The following SNX29 variants were observed in gnomAD, a reference collection of about 807,000 sequenced individuals.
The protein encoded by SNX29 is sorting nexin 29, also known as sorting nexin-29.
SNX29 carries 78 observed loss-of-function variants against 102.1 expected under a neutral mutation model. The ratio of observed to expected loss-of-function variants is 0.76; its 90% CI spans 0.64 to 0.92. SNX29 has a LOEUF of 0.92. SNX29 is among the 40% of genes least tolerant of loss of function. The pLI, the probability that SNX29 is intolerant of heterozygous loss-of-function variation, is 0.00. For synonymous variants in SNX29, 580 were observed against 414.5 expected, an observed-to-expected ratio of 1.40 and a Z score of -4.85; for missense variants, 1,280 against 1,061.7, an observed-to-expected ratio of 1.21 and a Z score of -2.86.
rs192313889 is a variant in SNX29, at chr16:12,561,198, T to G, written c.2319-7308T>G. ...GCCTGGCATGCTCTGATACTGCCCA[T>G]CAGGACCCCCGCAGCCATGCAGTAC... is the stretch of plus-strand genomic sequence containing the variant. On this transcript the variant is annotated intron_variant, in intron 20 of 20. Transcript: ENST00000566228. 4.6e-4 allele frequency: 105 copies of G among 230,540 alleles called. 1 individual carries two copies. In the East Asian group the frequency reaches 5.4e-3, roughly 12 times the overall value. The allele number at this position is 230,540 out of a possible 1,614,324, so 14.3% of individuals were successfully genotyped here. A position where few individuals can be genotyped will look rare whatever the true frequency, so the allele number is the denominator to read the frequency against.
chr16:12,145,460 C>T (rs960825185), intron 13 of SNX29, among the ~76,000 whole-genome samples: 1 of 151,972 alleles, frequency 6.6e-6, no homozygotes, highest in Non-Finnish European at 1.5e-5. Context: ...GTAATGTGTA[C>T]GTTCGAATCC....
At chr16:12,457,634 C>T (rs1443297474) in intron 18 of SNX29, among the ~76,000 whole-genome samples, 1 of 152,214 alleles carries the variant, frequency 6.6e-6, no homozygotes, top group Non-Finnish European at 1.5e-5. Flanking sequence ...GCCCTGTTCA[C>T]ACCTCATTTA....
At chr16:12,157,413 G>A (rs1419878377) in intron 13 of SNX29, among the ~76,000 whole-genome samples, 4 of 152,168 alleles carry the variant, frequency 2.6e-5, no homozygotes, top group African/African-American at 4.8e-5. Context: ...GGCAGGGGAC[G>A]TGGGGTCATG....
At chr16:12,479,031 T>C (rs1184495730) in intron 19 of SNX29, among the ~76,000 whole-genome samples, 3 of 152,192 alleles carry the variant, frequency 2.0e-5, no homozygotes, top group Non-Finnish European at 4.4e-5. Flanking sequence ...GAGCATGATC[T>C]CTCTGCCATG....
chr16:12,366,746 C>G (rs1162396581), intron 16 of SNX29, among the ~76,000 whole-genome samples: 1 of 152,188 alleles, frequency 6.6e-6, no homozygotes, highest in Non-Finnish European at 1.5e-5. Flanking sequence ...TCTTTGGTCT[C>G]TGTGTGCTTC....
At chr16:12,552,912 C>G (rs554859594) in intron 20 of SNX29, among the ~76,000 whole-genome samples, 7 of 152,310 alleles carry the variant, frequency 4.6e-5, no homozygotes, top group African/African-American at 9.6e-5. Context: ...GCAAGGGCAG[C>G]AGAGCTGATT....
chr16:12,243,150 T>G (rs2142312904), intron 14 of SNX29, among the ~76,000 whole-genome samples: 1 of 152,386 alleles, frequency 6.6e-6, no homozygotes, highest in South Asian at 2.1e-4. Context: ...TCTGTATCTT[T>G]CAGTGCAGGC....
intron 18 of SNX29, among the ~76,000 whole-genome samples, chr16:12,460,814 C>G (rs1054029023): frequency 1.3e-5 from 2 of 152,080 alleles, no homozygotes; most frequent in African/African-American, 4.8e-5. Flanking sequence ...GTGCATGCCA[C>G]CATGCCCGGC....
chr16:12,105,551 G>GA lies in SNX29; in HGVS notation c.1403-21072dup, dbSNP rs566737109. ...ATCTAATTTCTAAAGTGCATTTTGG[G>GA]AAAAAAAAAATCCACCCACAAATCT... On this transcript the variant is annotated intron_variant, in intron 11 of 20. Coordinates refer to ENST00000566228, the MANE Select transcript of SNX29 (RefSeq NM_032167.5). Among the ~76,000 whole-genome samples the GA allele has an allele frequency of 3.0e-3, 450 of 149,612 alleles. 15 individuals carry two copies. The highest frequency in any genetic ancestry group is 0.029 in the Admixed American group (434 of 14,990).
At chr16:12,080,699 T>TA (rs2151350239) in intron 11 of SNX29, among the ~76,000 whole-genome samples, 1 of 151,512 alleles carries the variant, frequency 6.6e-6, no homozygotes, top group East Asian at 1.9e-4. Flanking sequence ...TTACTTTTTT[T>TA]TTTTTTTTTG....
At chr16:12,440,025 A>G (rs2085729452) in intron 18 of SNX29, among the ~76,000 whole-genome samples, 1 of 152,210 alleles carries the variant, frequency 6.6e-6, no homozygotes, top group Non-Finnish European at 1.5e-5. Flanking sequence ...GCCTTGGGCC[A>G]GCCTCGCCTC....
intron 16 of SNX29, among the ~76,000 whole-genome samples, chr16:12,378,127 T>C (rs1008558116): frequency 1.2e-4 from 18 of 152,218 alleles, no homozygotes; most frequent in Admixed American, 1.0e-3. Flanking sequence ...TGTTTTGTGT[T>C]GCTGCAAAGG....
intron 13 of SNX29, among the ~76,000 whole-genome samples, chr16:12,140,080 G>T (rs1597023918): frequency 6.6e-6 from 1 of 151,426 alleles, no homozygotes; most frequent in Non-Finnish European, 1.5e-5. Context: ...AAAAAGAGCA[G>T]TTGATTCGCT....
chr16:12,331,072 G>A (rs1310115532), intron 15 of SNX29, among the ~76,000 whole-genome samples: 1 of 152,228 alleles, frequency 6.6e-6, no homozygotes, highest in Non-Finnish European at 1.5e-5. Context: ...GTCTGTGTTT[G>A]GAAGGGGGCT....
At chr16:12,202,359 A>G (rs1413688700) in intron 14 of SNX29, among the ~76,000 whole-genome samples, 1 of 152,064 alleles carries the variant, frequency 6.6e-6, no homozygotes, top group African/African-American at 2.4e-5. Context: ...TCTTCCCCGA[A>G]TGTGGTCCAG....
chr16:12,271,565 G>A (rs1235414040), intron 14 of SNX29, among the ~76,000 whole-genome samples: 1 of 151,992 alleles, frequency 6.6e-6, no homozygotes, highest in Non-Finnish European at 1.5e-5. Context: ...ATAAGAATGT[G>A]AATACCAAGG....
chr16:12,125,820 C>T (rs2054191786), intron 11 of SNX29, among the ~76,000 whole-genome samples: 1 of 151,846 alleles, frequency 6.6e-6, no homozygotes, highest in South Asian at 2.1e-4. Flanking sequence ...CTCAAACTTC[C>T]TGGGAAACAG....
At chr16:12,520,569 T>A (rs1203344490) in intron 19 of SNX29, among the ~76,000 whole-genome samples, 1 of 152,108 alleles carries the variant, frequency 6.6e-6, no homozygotes, top group African/African-American at 2.4e-5. Flanking sequence ...CAGACATCAA[T>A]GGATAAAGAA....
chr16:12,290,049 G>T (rs145983949), intron 15 of SNX29, among the ~76,000 whole-genome samples: 2 of 152,258 alleles, frequency 1.3e-5, no homozygotes, highest in African/African-American at 4.8e-5. Flanking sequence ...GGAGGGACTT[G>T]TTGCATTTAA....
Sources: gnomAD v4.1 joint callset for allele counts (sites outside exome capture counted in the v4.1 genomes callset) on GRCh38, gnomAD v4.1.1 for gene constraint, MANE v1.5 for transcripts, NCBI Gene and HGNC (gene_info 2026-07-23, HGNC 2026-07-21) for gene names.